The following CACNG2 variants were observed in gnomAD, a reference collection of about 807,000 sequenced individuals.
The protein encoded by CACNG2 is voltage-dependent calcium channel gamma-2 subunit.
In CACNG2, 3 loss-of-function variants were observed where a neutral mutation model predicts 25.9. That is an observed-to-expected ratio of 0.12 (90% CI 0.05 to 0.30). The LOEUF is 0.30. Among genes scored for constraint, CACNG2 ranks in the 10% least tolerant of loss-of-function variants. CACNG2 has a pLI of 1.00. For missense variants in CACNG2, 341 were observed against 432.5 expected (o/e 0.79, Z 1.88); for synonymous variants, 167 against 173.3 (o/e 0.96, Z 0.29).
chr22:36,679,140 TCC>T (rs1937054001), intron 1 of CACNG2, among the ~76,000 whole-genome samples: 1 of 36,586 alleles, frequency 2.7e-5, no homozygotes, highest in East Asian at 1.1e-3. Context: ...TTTTCTCCCT[TCC>T]TTCCTTCCTT....
chr22:36,625,756 A>C (rs113633801), intron 1 of CACNG2, among the ~76,000 whole-genome samples: 2 of 152,158 alleles, frequency 1.3e-5, no homozygotes, highest in East Asian at 1.9e-4. Flanking sequence ...AGGTAATTTG[A>C]CTGTATGTGC....
chr22:36,663,551 A>T (rs1448792937), intron 1 of CACNG2, among the ~76,000 whole-genome samples: 1 of 152,150 alleles, frequency 6.6e-6, no homozygotes, highest in Non-Finnish European at 1.5e-5. Flanking sequence ...GAAGGATAGA[A>T]AAACGACTCT....
chr22:36,588,742 G>A (rs1935543020), intron 1 of CACNG2, among the ~76,000 whole-genome samples: 1 of 152,166 alleles, frequency 6.6e-6, no homozygotes, highest in South Asian at 2.1e-4. Context: ...TGCATGTTGA[G>A]TAGTCAGAAC....
At chr22:36,594,729 CTGTGTGTGCATGGG>C (rs922350135) in intron 1 of CACNG2, among the ~76,000 whole-genome samples, 3 of 137,964 alleles carry the variant, frequency 2.2e-5, no homozygotes, top group Admixed American at 7.1e-5. Context: ...GTGTGTGTGT[CTGTGTGTGCATGGG>C]TGTGTGTGCG....
intron 1 of CACNG2, among the ~76,000 whole-genome samples, chr22:36,665,168 C>T (rs9607365): frequency 6.6e-6 from 1 of 152,088 alleles, no homozygotes; most frequent in East Asian, 1.9e-4. Context: ...CTTCTCTTCC[C>T]AGTGTCTGCC....
At chr22:36,689,797 C>T (rs1937245984) in intron 1 of CACNG2, among the ~76,000 whole-genome samples, 1 of 152,218 alleles carries the variant, frequency 6.6e-6, no homozygotes. Flanking sequence ...CGTGGCTGGC[C>T]ACCACAACAG....
At chr22:36,683,584 C>G (rs923249622) in intron 1 of CACNG2, among the ~76,000 whole-genome samples, 3 of 152,214 alleles carry the variant, frequency 2.0e-5, no homozygotes, top group African/African-American at 7.2e-5. Context: ...TTTCCTCCCC[C>G]ACTCAGGTAT....
intron 1 of CACNG2, among the ~76,000 whole-genome samples, chr22:36,601,159 A>C (rs948279551): frequency 5.9e-5 from 9 of 152,036 alleles, no homozygotes; most frequent in Admixed American, 2.0e-4. Context: ...CTCTCACCCC[A>C]GATCTTGGTA....
chr22:36,658,965 A>G (rs1936747637), intron 1 of CACNG2, among the ~76,000 whole-genome samples: 1 of 152,028 alleles, frequency 6.6e-6, no homozygotes. Flanking sequence ...GAGCCGAGGG[A>G]GCGCCAGACG....
chr22:36,571,232 G>A (rs1040355475), intron 2 of CACNG2, among the ~76,000 whole-genome samples: 6 of 152,048 alleles, frequency 3.9e-5, no homozygotes, highest in East Asian at 1.9e-4. Context: ...TGAGGTGAGC[G>A]GATCACATGA....
At chr22:36,579,318 C>T (rs1271792673) in intron 2 of CACNG2, among the ~76,000 whole-genome samples, 8 of 143,736 alleles carry the variant, frequency 5.6e-5, no homozygotes, top group Non-Finnish European at 1.0e-4. Flanking sequence ...GCAGGAGAAT[C>T]ACTTGAACCC....
intron 1 of CACNG2, among the ~76,000 whole-genome samples, chr22:36,611,321 T>C (rs1415944138): frequency 2.0e-5 from 3 of 152,158 alleles, no homozygotes; most frequent in Non-Finnish European, 4.4e-5. Context: ...TATGCTAGGA[T>C]TGTGGCTGCA....
At chr22:36,658,807 G>C (rs918961788) in intron 1 of CACNG2, among the ~76,000 whole-genome samples, 1 of 152,176 alleles carries the variant, frequency 6.6e-6, no homozygotes, top group Non-Finnish European at 1.5e-5. Flanking sequence ...GGGGTGTGGG[G>C]ACAGGGCAAG....
Position 36,564,132 on chromosome 22 carries a change from G to A in CACNG2, c.*219C>T. On this transcript the variant is annotated 3_prime_UTR_variant, in exon 4 of 4. Coordinates refer to ENST00000300105, the MANE Select transcript of CACNG2 (RefSeq NM_006078.5). The surrounding 1 kb of genome is among the most constrained non-coding windows in gnomAD (Gnocchi z 6.7). ...ACATTTCCTGTTGTTTTGCTTCTTT[G>A]TTCCTCTTATATTTTGTTCTTTTTT... is the stretch of plus-strand genomic sequence containing the variant. The A allele has an allele frequency of 2.4e-6, 1 of 422,552 alleles. No individual in the cohort carries two copies. Among genetic ancestry groups the A allele is most frequent in the African/African-American group, 2.1e-5 (1 of 47,190 alleles). 26.2% of individuals were successfully genotyped at this position (422,552 alleles called of 1,614,324 possible).
intron 1 of CACNG2, among the ~76,000 whole-genome samples, chr22:36,602,387 A>G (rs1935766725): frequency 6.6e-6 from 1 of 151,662 alleles, no homozygotes; most frequent in South Asian, 2.1e-4. Context: ...CTAAAAATAT[A>G]TATATATATA....
intron 2 of CACNG2, among the ~76,000 whole-genome samples, chr22:36,573,763 C>T (rs1935270438): frequency 6.6e-6 from 1 of 152,212 alleles, no homozygotes; most frequent in South Asian, 2.1e-4. Context: ...ACTGCATTCC[C>T]TTCTTTTCAG....
intron 1 of CACNG2, among the ~76,000 whole-genome samples, chr22:36,615,902 A>C (rs572233709): frequency 1.3e-5 from 2 of 152,376 alleles, no homozygotes; most frequent in East Asian, 3.9e-4. Context: ...CTGCATGTCA[A>C]GGTATGAAAG....
chr22:36,681,184 T>A (rs1236236094), intron 1 of CACNG2, among the ~76,000 whole-genome samples: 1 of 152,148 alleles, frequency 6.6e-6, no homozygotes, highest in African/African-American at 2.4e-5. Flanking sequence ...GCTCTTCCCT[T>A]TTAGTTTGTC....
At position 36,589,624 on chromosome 22, in the gene CACNG2, A is replaced by C. The variant is rs558606745; in HGVS notation, c.212-2076T>G. On this transcript the variant is annotated intron_variant, in intron 1 of 3. Coordinates refer to ENST00000300105, the MANE Select transcript of CACNG2 (RefSeq NM_006078.5). ...AAACAATTCCCCAGACCATATCGGG[A>C]CTTCTGGTCGCTTCACTGAAGCTTG... 4.6e-5 allele frequency among the ~76,000 whole-genome samples: 7 copies of C among 152,096 alleles called. No individual in the cohort carries two copies. The South Asian group carries it at 1.5e-3, about 32-fold the overall frequency.
Sources: allele counts gnomAD v4.1 joint callset (sites outside exome capture counted in the v4.1 genomes callset), GRCh38; gene constraint gnomAD v4.1.1; non-coding constraint Gnocchi (gnomAD v3.1); transcripts MANE v1.5; gene names NCBI Gene and HGNC (gene_info 2026-07-23, HGNC 2026-07-21).